Variants in SATL1 observed in about 807,000 individuals in gnomAD.
The protein encoded by SATL1 is spermidine/spermine N(1)-acetyltransferase-like protein 1.
SATL1 carries 47 observed loss-of-function variants against 51.8 expected under a neutral mutation model. The ratio of observed to expected loss-of-function variants is 0.91; its 90% CI spans 0.72 to 1.16. The LOEUF is 1.16. Among genes scored for constraint, SATL1 ranks in the 50% most tolerant of loss-of-function variants. The probability of loss-of-function intolerance (pLI) is 0.00; values close to 1 mark genes in which losing one functional copy is unlikely to be tolerated. For missense variants in SATL1, 520 were observed against 526.4 expected (o/e 0.99, Z 0.12); for synonymous variants, 176 against 182.4 (o/e 0.97, Z 0.28).
chrX:85,114,438 T>G (rs1925335946), intron 2 of SATL1, among the ~76,000 whole-genome samples: 3 of 111,572 alleles, frequency 2.7e-5, no homozygotes, highest in African/African-American at 9.8e-5. Context: ...AGCGTTTTCC[T>G]CTATTCTAAT....
rs989915405 is a variant in SATL1 at position 85,128,655 on chromosome X, G to A, written c.-312-19375C>T. ...GTGCAGAAGCTCTTTAGTTTCATTAGATCCCATTTGTCTATTTCGGCTTTT... is the reference window on the plus strand; with the variant it reads ...GTGCAGAAGCTCTTTAGTTTCATTAAATCCCATTTGTCTATTTCGGCTTTT... On this transcript the variant is annotated intron_variant, in intron 2 of 7. Coordinates refer to ENST00000644105, the MANE Select transcript of SATL1 (RefSeq NM_001367857.2). Among the ~76,000 whole-genome samples, 5 of 112,028 alleles carry A rather than the reference G, an allele frequency of 4.5e-5. No individual in the cohort carries two copies. The Admixed American group carries it at 4.7e-4, about 11-fold the overall frequency.
intron 2 of SATL1, among the ~76,000 whole-genome samples, chrX:85,171,910 T>G (rs1926980916): frequency 9.0e-6 from 1 of 111,538 alleles, no homozygotes; most frequent in African/African-American, 3.2e-5. Flanking sequence ...AAAGAAATTG[T>G]TCTACTAATG....
chrX:85,109,293 G>T lies in SATL1; in HGVS notation c.-312-13C>A. ...ATCTGGCCTTTCCCTGCCAAAAGGGGGGAAGTAAAGGGAAGACGAAAATGA... is the reference window on the plus strand; with the variant it reads ...ATCTGGCCTTTCCCTGCCAAAAGGGTGGAAGTAAAGGGAAGACGAAAATGA... On this transcript the variant is annotated splice_polypyrimidine_tract_variant and intron_variant, in intron 2 of 7. Coordinates refer to ENST00000644105, the MANE Select transcript of SATL1 (RefSeq NM_001367857.2). 1 of 302,872 alleles carries T rather than the reference G, an allele frequency of 3.3e-6. No homozygotes were observed. Among genetic ancestry groups the T allele is most frequent in the Non-Finnish European group, 5.8e-6 (1 of 172,184 alleles). 25.0% of individuals were successfully genotyped at this position (302,872 alleles called of 1,213,427 possible). A position where few individuals can be genotyped will look rare whatever the true frequency, so the allele number is the denominator to read the frequency against.
chrX:85,095,519 A>G (rs1397186581), intron 4 of SATL1, among the ~76,000 whole-genome samples: 1 of 111,087 alleles, frequency 9.0e-6, no homozygotes, highest in Non-Finnish European at 1.9e-5. Context: ...TTAGAAAGTT[A>G]CCATGTGTGA....
At chrX:85,131,413 G>A (rs1178725143) in intron 2 of SATL1, among the ~76,000 whole-genome samples, 1 of 110,753 alleles carries the variant, frequency 9.0e-6, no homozygotes, top group African/African-American at 3.3e-5. Context: ...GGCCTTCTTT[G>A]TCTCTTTTGG....
At chrX:85,169,504 A>C (rs914170221) in intron 2 of SATL1, among the ~76,000 whole-genome samples, 6 of 112,043 alleles carry the variant, frequency 5.4e-5, no homozygotes, top group African/African-American at 1.9e-4. Context: ...ACATGCAGCC[A>C]ACAAAAACAT....
chrX:85,121,112 A>T (rs1925494136), intron 2 of SATL1, among the ~76,000 whole-genome samples: 1 of 110,516 alleles, frequency 9.0e-6, no homozygotes, highest in South Asian at 3.7e-4. Context: ...ATGAGCTCAG[A>T]TGTTTTATCT....
Position 85,092,579 on chromosome X carries a change from A to G in SATL1, c.1918-18T>C. ...ATGGCTATCTGTTTAAAAACAAACAAGCAAATATTACTTTCATTTGAAAGT... is the reference window on the plus strand; with the variant it reads ...ATGGCTATCTGTTTAAAAACAAACAGGCAAATATTACTTTCATTTGAAAGT... On this transcript the variant is annotated intron_variant, in intron 7 of 7. Transcript: ENST00000644105. 1 of 1,181,851 alleles carries G rather than the reference A, an allele frequency of 8.5e-7. No individual in the cohort carries two copies. The highest frequency in any genetic ancestry group is 1.1e-6 in the Non-Finnish European group (1 of 873,290).
intron 2 of SATL1, among the ~76,000 whole-genome samples, chrX:85,124,212 T>C: frequency 9.0e-6 from 1 of 111,301 alleles, no homozygotes; most frequent in Non-Finnish European, 1.9e-5. Context: ...TTTGTCACTT[T>C]TTAATATTAC....
In SATL1 at chrX:85,107,541, C is replaced by T. The variant is rs140820288; in HGVS notation, c.1428G>A (p.Arg476=). 7.8e-4 allele frequency: 948 copies of T among 1,210,808 alleles called. 7 individuals are homozygous for T. The African/African-American group carries it at 0.015, about 19-fold the overall frequency. The change falls in exon 3 of 8, where the codon AGG becomes AGA. Residue 476 remains arginine (R), a synonymous_variant. Coordinates refer to ENST00000644105, the MANE Select transcript of SATL1 (RefSeq NM_001367857.2). ...KNQTGMSHPG[R]GQPGIWEPGP... is the part of the protein sequence containing the mutation. ...CCGGTTCCCATATGCCTGGTTGGCC[C>T]CTGCCTGGATGGCTCATGCCTGTTT...
Position 85,137,685 on chromosome X carries a change from T to C in SATL1, c.-312-28405A>G, listed in dbSNP as rs1175919472. Among the ~76,000 whole-genome samples the C allele has an allele frequency of 4.5e-5, 5 of 111,876 alleles. No homozygotes were observed. The Admixed American group carries it at 4.8e-4, about 11-fold the overall frequency. On this transcript the variant is annotated intron_variant, in intron 2 of 7. Transcript: ENST00000644105. ...GTATTCTCTGAGATTCCTGGATCTG[T>C]GGTTTGGTGTCTGCTATTAACTTCA... is the stretch of plus-strand genomic sequence containing the variant.
At chrX:85,165,800 A>G (rs1926822887) in intron 2 of SATL1, among the ~76,000 whole-genome samples, 1 of 111,654 alleles carries the variant, frequency 9.0e-6, no homozygotes, top group Non-Finnish European at 1.9e-5. Flanking sequence ...TGAAACCAAA[A>G]AAGAGCCCTC....
intron 2 of SATL1, among the ~76,000 whole-genome samples, chrX:85,113,218 TATCCCTCACTGAGG>T (rs1469224213): frequency 9.0e-6 from 1 of 111,019 alleles, no homozygotes. Context: ...GAGAGGATGA[TATCCCTCACTGAGG>T]ATCATTTGGA....
Position 85,161,054 on chromosome X carries a change from C to T in SATL1, c.-312-51774G>A, listed in dbSNP as rs186193660. ...TAATAACAACCAAAAATCTCATATA[C>T]GGCCAAACTAAGCTTAATAAGCAAA... On this transcript the variant is annotated intron_variant, in intron 2 of 7. Coordinates refer to ENST00000644105, the MANE Select transcript of SATL1 (RefSeq NM_001367857.2). Among the ~76,000 whole-genome samples, 24 of 111,694 alleles carry T rather than the reference C, an allele frequency of 2.1e-4. No homozygotes were observed. The South Asian group carries it at 3.0e-3, about 14-fold the overall frequency.
chrX:85,210,418 A>G (rs1244079802), intron 2 of SATL1: 1 of 101,896 alleles, frequency 9.8e-6, no homozygotes, highest in East Asian at 3.0e-4. Flanking sequence ...AAAAAAAAAA[A>G]AAAAAGGAGG....
chrX:85,202,575 C>A (rs1602909034), intron 2 of SATL1, among the ~76,000 whole-genome samples: 1 of 111,801 alleles, frequency 8.9e-6, no homozygotes, highest in African/African-American at 3.3e-5. Context: ...CCTTCCCCAG[C>A]TTAGAGGCAG....
rs1389331662 is a variant in SATL1 at position 85,107,907 on chromosome X, T to C, written c.1062A>G (p.Arg354=). 2.5e-6 allele frequency: 3 copies of C among 1,208,964 alleles called. No individual in the cohort carries two copies. Among genetic ancestry groups the C allele is most frequent in the Non-Finnish European group, 3.4e-6 (3 of 895,078 alleles). ...ASISQPGPPQ[R]APSQSGPRQS... ...GTCTGGGGCCTGATTGGCTTGGGGC[T>C]CGTTGCGGTGGACCTGGTTGGCTTA... is the stretch of plus-strand genomic sequence containing the variant. Residue 354 remains arginine, a synonymous_variant, in exon 3 of 8, where the codon CGA becomes CGG. Transcript: ENST00000644105.
At chrX:85,169,457 C>T (rs973198511) in intron 2 of SATL1, among the ~76,000 whole-genome samples, 7 of 110,270 alleles carry the variant, frequency 6.3e-5, no homozygotes, top group Non-Finnish European at 1.3e-4. Flanking sequence ...AAAAAGTGGG[C>T]AAAAGACAAG....
chrX:85,159,847 C>T (rs753237447), intron 2 of SATL1, among the ~76,000 whole-genome samples: 1 of 110,925 alleles, frequency 9.0e-6, no homozygotes, highest in African/African-American at 3.3e-5. Context: ...GCCATGCTGC[C>T]ACTGCTGCTG....
Sources: gnomAD v4.1 joint callset for allele counts (sites outside exome capture counted in the v4.1 genomes callset) on GRCh38, gnomAD v4.1.1 for gene constraint, MANE v1.5 for transcripts, NCBI Gene and HGNC (gene_info 2026-07-23, HGNC 2026-07-21) for gene names.